QTMAN: variants seen among roughly 807,000 people sequenced by gnomAD.
QTMAN encodes the protein queuosine-tRNA mannosyltransferase, also known as tRNA-queuosine alpha-mannosyltransferase.
At chr2:143,998,510 A>T in the QTMAN span, among the ~76,000 whole-genome samples, 6,033 of 144,036 alleles carry the variant, frequency 0.042, 224 homozygotes, top group East Asian at 0.17. Flanking sequence ...CTGACCGAGT[A>T]AAAAAAAAAA....
At chr2:144,261,964 T>G in the QTMAN span, among the ~76,000 whole-genome samples, 5 of 152,116 alleles carry the variant, frequency 3.3e-5, no homozygotes, top group Non-Finnish European at 7.4e-5. Context: ...ATATCCAATT[T>G]TCTCTCCACA....
At chr2:144,031,442 G>C in the QTMAN span, among the ~76,000 whole-genome samples, 15 of 152,270 alleles carry the variant, frequency 9.9e-5, no homozygotes, top group Admixed American at 5.9e-4. Context: ...CAGAAAAAGT[G>C]TTTTTCATGA....
chr2:144,076,975 A>AAAAAT, the QTMAN span, among the ~76,000 whole-genome samples: 2 of 152,034 alleles, frequency 1.3e-5, no homozygotes, highest in African/African-American at 4.8e-5. Flanking sequence ...AATAAACTAC[A>AAAAAT]AAAATAAAAT....
the QTMAN span, among the ~76,000 whole-genome samples, chr2:144,168,750 A>G: frequency 6.6e-6 from 1 of 152,124 alleles, no homozygotes; most frequent in African/African-American, 2.4e-5. Flanking sequence ...AAAATGAGCA[A>G]GAATTACTTT....
chr2:144,332,536 G>GATGCCGCCGCCC, the QTMAN span: 1 of 147,986 alleles, frequency 6.8e-6, no homozygotes, highest in South Asian at 2.1e-4. Flanking sequence ...GGCCGCCGCG[G>GATGCCGCCGCCC]ATGCCGCCGC....
the QTMAN span, among the ~76,000 whole-genome samples, chr2:144,163,826 C>A: frequency 6.6e-6 from 1 of 152,146 alleles, no homozygotes; most frequent in East Asian, 1.9e-4. Context: ...CTGGGTGTAC[C>A]ATGGACTATG....
chr2:144,171,100 A>C, the QTMAN span, among the ~76,000 whole-genome samples: 2 of 152,326 alleles, frequency 1.3e-5, no homozygotes, highest in East Asian at 3.9e-4. Context: ...TTGAAAGTGA[A>C]GATAATCACC....
chr2:144,263,831 A>G, the QTMAN span, among the ~76,000 whole-genome samples: 9 of 152,308 alleles, frequency 5.9e-5, no homozygotes, highest in East Asian at 1.2e-3. Flanking sequence ...GCTAGGCACT[A>G]TAAGAGGCAA....
chr2:144,140,875 A>G, the QTMAN span, among the ~76,000 whole-genome samples: 1 of 152,006 alleles, frequency 6.6e-6, no homozygotes, highest in Non-Finnish European at 1.5e-5. Context: ...ATGATTCACT[A>G]ACTTGATTTT....
chr2:144,133,208 T>C, the QTMAN span, among the ~76,000 whole-genome samples: 6 of 78,394 alleles, frequency 7.7e-5, no homozygotes, highest in African/African-American at 3.8e-4. Flanking sequence ...TATATATTTA[T>C]ATATACATAT....
the QTMAN span, among the ~76,000 whole-genome samples, chr2:143,975,507 T>G: frequency 6.6e-6 from 1 of 152,218 alleles, no homozygotes; most frequent in Non-Finnish European, 1.5e-5. Flanking sequence ...AAGGACCCAG[T>G]ACCTAGCCAA....
chr2:144,322,331 T>G, the QTMAN span, among the ~76,000 whole-genome samples: 4 of 152,136 alleles, frequency 2.6e-5, no homozygotes, highest in African/African-American at 9.7e-5. Context: ...GTATTAGAAA[T>G]TAAATGAGAA....
At chr2:144,208,854 A>G in the QTMAN span, 2 of 1,056,690 alleles carry the variant, frequency 1.9e-6, no homozygotes, top group Non-Finnish European at 2.7e-6. Flanking sequence ...TACATGTATA[A>G]AATTTTTAAT....
chr2:144,194,647 A>G, the QTMAN span, among the ~76,000 whole-genome samples: 1 of 152,222 alleles, frequency 6.6e-6, no homozygotes, highest in Non-Finnish European at 1.5e-5. Context: ...TAAGTGAGAG[A>G]ACAATTAACA....
the QTMAN span, among the ~76,000 whole-genome samples, chr2:144,134,656 TGTA>T: frequency 6.6e-6 from 1 of 152,118 alleles, no homozygotes; most frequent in South Asian, 2.1e-4. Flanking sequence ...GAAATTCTGT[TGTA>T]GTGATCATAG....
the QTMAN span, among the ~76,000 whole-genome samples, chr2:144,076,076 G>A: frequency 2.0e-5 from 3 of 152,056 alleles, no homozygotes; most frequent in African/African-American, 7.2e-5. Context: ...GTGAAACCCC[G>A]TCTCTACTAA....
chr2:143,970,227 C>A, the QTMAN span, among the ~76,000 whole-genome samples: 1 of 152,198 alleles, frequency 6.6e-6, no homozygotes, highest in South Asian at 2.1e-4. Context: ...GTCCATTCCA[C>A]ATTACAAGTT....
the QTMAN span, among the ~76,000 whole-genome samples, chr2:143,994,457 T>C: frequency 6.6e-6 from 1 of 152,204 alleles, no homozygotes; most frequent in Non-Finnish European, 1.5e-5. Flanking sequence ...AAGAGCATTA[T>C]TCTTAACAGC....
At chr2:143,971,942 A>C in the QTMAN span, among the ~76,000 whole-genome samples, 13 of 152,298 alleles carry the variant, frequency 8.5e-5, no homozygotes, top group East Asian at 2.3e-3. Context: ...TGTATCTTCT[A>C]ATTAACATTT....
Sources: gnomAD v4.1 joint callset for allele counts (sites outside exome capture counted in the v4.1 genomes callset) on GRCh38, gnomAD v4.1.1 for gene constraint, MANE v1.5 for transcripts, NCBI Gene and HGNC (gene_info 2026-07-23, HGNC 2026-07-21) for gene names.